Variants in CNBP observed in about 807,000 individuals in gnomAD.
CNBP encodes the protein cellular nucleic acid-binding protein.
Under a neutral mutation model 21.2 loss-of-function variants are expected in CNBP, and 6 were observed. That is an observed-to-expected ratio of 0.28 (90% confidence interval 0.16 to 0.56). CNBP has a LOEUF of 0.56. CNBP is among the 20% of genes least tolerant of loss of function. CNBP has a pLI of 0.93. For synonymous variants in CNBP, 61 were observed against 74.9 expected (o/e 0.81, Z 0.96); for missense variants, 112 against 233.1 (o/e 0.48, Z 3.38).
At chr3:129,178,672 G>C (rs570388030) in intron 1 of CNBP, among the ~76,000 whole-genome samples, 27 of 152,182 alleles carry the variant, frequency 1.8e-4, no homozygotes, top group South Asian at 8.3e-4. Flanking sequence ...TTTGCCCTCT[G>C]AATGTATGTA....
At chr3:129,180,787 T>A (rs1474480591) in intron 1 of CNBP, among the ~76,000 whole-genome samples, 2 of 150,440 alleles carry the variant, frequency 1.3e-5, no homozygotes, top group African/African-American at 4.9e-5. Flanking sequence ...TAATTTTTCA[T>A]CCCTGCAAGG....
intron 1 of CNBP, among the ~76,000 whole-genome samples, chr3:129,175,491 G>A (rs1214332204): frequency 7.6e-5 from 11 of 143,846 alleles, no homozygotes; most frequent in African/African-American, 2.6e-4. Context: ...GTGCGGTGGC[G>A]CCATCTTGGC....
rs1322007605 is a variant in CNBP at position 129,182,000 on chromosome 3, T to TA, written c.-15+1775dup. Among the ~76,000 whole-genome samples, 3 of 151,548 alleles carry TA rather than the reference T, an allele frequency of 2.0e-5. No individual in the cohort carries two copies. The East Asian group carries it at 5.8e-4, about 29-fold the overall frequency. ...GGTGTTTGATTATCCTTAACCAGAG[T>TA]AACTCATTAGAAGCATTTAAAACTA... On this transcript the variant is annotated intron_variant, in intron 1 of 4. Coordinates refer to ENST00000422453, the MANE Select transcript of CNBP (RefSeq NM_003418.5).
Position 129,168,118 on chromosome 3 carries a change from A to T in CNBP, c.*2335T>A, listed in dbSNP as rs573060132. 1.3e-5 allele frequency among the ~76,000 whole-genome samples: 2 copies of T among 152,280 alleles called. No individual in the cohort carries two copies. The highest frequency in any genetic ancestry group is 4.1e-4 in the South Asian group (2 of 4,826). On this transcript the variant is annotated 3_prime_UTR_variant, in exon 5 of 5. Coordinates refer to ENST00000422453, the MANE Select transcript of CNBP (RefSeq NM_003418.5). ...GAATCACACAGCAGCATGGAGGGGG[A>T]AAATGAACTATATGATGCTAACCGC... is the stretch of plus-strand genomic sequence containing the variant.
In CNBP at chr3:129,171,279, T is replaced by G; in HGVS notation, c.218-2A>C. 6.2e-7 allele frequency: 1 copy of G among 1,614,178 alleles called. No homozygotes were observed. The highest frequency in any genetic ancestry group is 8.5e-7 in the Non-Finnish European group (1 of 1,180,004). On this transcript the variant is annotated splice_acceptor_variant, in intron 3 of 4. Transcript: ENST00000422453. LOFTEE classifies it high-confidence loss of function. ...CACCTCTACCGCAGTTATAGCAGGC[T>G]TCAACAATAAGGAAAAGAAACAGGC...
chr3:129,179,507 T>A (rs906487386), intron 1 of CNBP, among the ~76,000 whole-genome samples: 1 of 152,168 alleles, frequency 6.6e-6, no homozygotes. Context: ...AGTCAGTCAT[T>A]AGTAAACATA....
intron 1 of CNBP, among the ~76,000 whole-genome samples, chr3:129,172,029 G>A (rs780385672): frequency 3.3e-5 from 5 of 151,906 alleles, no homozygotes; most frequent in Non-Finnish European, 7.4e-5. Context: ...AAATTAGCCC[G>A]GTGAAGTGGC....
rs769851733 is a variant in CNBP, at chr3:129,170,432, A to G, written c.*21T>C. On this transcript the variant is annotated 3_prime_UTR_variant, in exon 5 of 5. Transcript: ENST00000422453. ...AATACAACCATCAATCAGAAAAAGG[A>G]GGGGCGACAAAGGAAAATAATTAGG... 6 of 1,578,934 alleles carry G rather than the reference A, an allele frequency of 3.8e-6. No homozygotes were observed. Among genetic ancestry groups the G allele is most frequent in the Admixed American group, 3.3e-5 (2 of 59,912 alleles).
intron 1 of CNBP, among the ~76,000 whole-genome samples, chr3:129,181,563 A>T (rs972822256): frequency 4.2e-5 from 6 of 144,504 alleles, no homozygotes; most frequent in Admixed American, 2.2e-4. Flanking sequence ...AGGCAGGAGA[A>T]TCGCTTAATC....
At chr3:129,177,550 G>A (rs1937996978) in intron 1 of CNBP, among the ~76,000 whole-genome samples, 1 of 152,062 alleles carries the variant, frequency 6.6e-6, no homozygotes, top group East Asian at 1.9e-4. Flanking sequence ...TTCCACTTTC[G>A]CCAATTACCT....
intron 3 of CNBP, 69 bp from the exon 4 acceptor site, chr3:129,171,346 T>C (rs1937564148): frequency 6.2e-7 from 1 of 1,604,940 alleles, no homozygotes; most frequent in Non-Finnish European, 8.5e-7. Context: ...TTTTAAATTA[T>C]ACAATACAAA....
chr3:129,172,285 G>A (rs1189457413), intron 1 of CNBP, among the ~76,000 whole-genome samples: 4 of 151,618 alleles, frequency 2.6e-5, no homozygotes, highest in Admixed American at 2.6e-4. Flanking sequence ...TCCATTAAGA[G>A]AAATAATTGG....
intron 1 of CNBP, among the ~76,000 whole-genome samples, chr3:129,172,517 G>A (rs1214441556): frequency 1.3e-5 from 2 of 152,210 alleles, no homozygotes; most frequent in Non-Finnish European, 2.9e-5. Flanking sequence ...GGGGGGTGGA[G>A]GTTGCAGTGA....
intron 1 of CNBP, among the ~76,000 whole-genome samples, chr3:129,175,156 T>C (rs1937812759): frequency 6.6e-6 from 1 of 151,508 alleles, no homozygotes; most frequent in South Asian, 2.1e-4. Flanking sequence ...AAACCCCAAA[T>C]CTACTAAAAT....
Position 129,171,434 on chromosome 3 carries a change from TTAAA to T in CNBP, c.217+8_217+11del. On this transcript the variant is annotated splice_region_variant and intron_variant, in intron 3 of 4. Coordinates refer to ENST00000422453, the MANE Select transcript of CNBP (RefSeq NM_003418.5). Reference sequence around the variant, plus strand: ...TCTAGAGGGGTATGAAAAGGAAGTGTTAAATACTTACCATCCTCCTGAAGATCAC... The same window carrying T: ...TCTAGAGGGGTATGAAAAGGAAGTGTTACTTACCATCCTCCTGAAGATCAC... The T allele has an allele frequency of 6.2e-7, 1 of 1,611,536 alleles. No individual in the cohort carries two copies. Among genetic ancestry groups the T allele is most frequent in the Non-Finnish European group, 8.5e-7 (1 of 1,177,572 alleles).
rs752998924 is a variant in CNBP, at chr3:129,171,441, C to G, written c.217+5G>C. The G allele has an allele frequency of 5.6e-6, 9 of 1,612,590 alleles. No homozygotes were observed. Among genetic ancestry groups the G allele is most frequent in the African/African-American group, 2.7e-5 (2 of 74,908 alleles). ...GGGTATGAAAAGGAAGTGTTAAATA[C>G]TTACCATCCTCCTGAAGATCACAAT... On this transcript the variant is annotated splice_donor_5th_base_variant and intron_variant, in intron 3 of 4. Coordinates refer to ENST00000422453, the MANE Select transcript of CNBP (RefSeq NM_003418.5).
chr3:129,174,928 G>A (rs1301280334), intron 1 of CNBP, among the ~76,000 whole-genome samples: 1 of 152,118 alleles, frequency 6.6e-6, no homozygotes, highest in East Asian at 1.9e-4. Flanking sequence ...TGGGCACAGT[G>A]GCTCACACCT....
Position 129,170,362 on chromosome 3 carries a change from C to G in CNBP, c.*91G>C. The G allele has an allele frequency of 8.9e-7, 1 of 1,127,040 alleles. No homozygotes were observed. The highest frequency in any genetic ancestry group is 1.3e-6 in the Non-Finnish European group (1 of 743,306). The allele number at this position is 1,127,040 out of a possible 1,614,324, so 69.8% of individuals were successfully genotyped here. ...TAAAGCTCACTGGCCTGGGAGTTGC[C>G]TCTATCTGCCAACCTTTGGCCAGTG... On this transcript the variant is annotated 3_prime_UTR_variant, in exon 5 of 5. Transcript: ENST00000422453.
chr3:129,181,408 C>T (rs1428615544), intron 1 of CNBP, among the ~76,000 whole-genome samples: 1 of 151,376 alleles, frequency 6.6e-6, no homozygotes, highest in Non-Finnish European at 1.5e-5. Flanking sequence ...AATCCTAGCA[C>T]TTTGAGAGGC....
Sources: gnomAD v4.1 joint callset for allele counts (sites outside exome capture counted in the v4.1 genomes callset) on GRCh38, gnomAD v4.1.1 for gene constraint, MANE v1.5 for transcripts, NCBI Gene and HGNC (gene_info 2026-07-23, HGNC 2026-07-21) for gene names.